Variants in SNX24 observed in about 807,000 individuals in gnomAD.
SNX24 encodes the protein sorting nexin 24.
A neutral mutation model predicts 28.7 loss-of-function variants in SNX24; 22 were observed. That is an observed-to-expected ratio of 0.77 (90% confidence interval 0.55 to 1.10). SNX24 has a LOEUF of 1.10. SNX24 is among the 50% of genes least tolerant of loss of function. The pLI, the probability that SNX24 is intolerant of heterozygous loss-of-function variation, is 0.00. For missense variants in SNX24, 221 were observed against 201.1 expected, an observed-to-expected ratio of 1.10 and a Z score of -0.60; for synonymous variants, 69 against 71.5, an observed-to-expected ratio of 0.96 and a Z score of 0.18.
intron 3 of SNX24, among the ~76,000 whole-genome samples, chr5:122,974,069 T>C (rs246319): frequency 0.77 from 116,951 of 152,090 alleles, 45,852 homozygotes; most frequent in East Asian, 0.99. Flanking sequence ...AGTAATGTGT[T>C]GCCTCCAAAA....
intron 1 of SNX24, among the ~76,000 whole-genome samples, chr5:122,895,580 T>C (rs1468593929): frequency 6.6e-6 from 1 of 152,156 alleles, no homozygotes; most frequent in Non-Finnish European, 1.5e-5. Flanking sequence ...GCCCCTAGGC[T>C]GGGGGCTGGA....
chr5:122,932,506 G>A (rs1393279733), intron 1 of SNX24, among the ~76,000 whole-genome samples: 1 of 152,170 alleles, frequency 6.6e-6, no homozygotes, highest in African/African-American at 2.4e-5. Context: ...AGGCTTATAT[G>A]TAATTTTATG....
intron 6 of SNX24, among the ~76,000 whole-genome samples, chr5:123,003,693 C>A (rs1320142414): frequency 2.6e-5 from 4 of 152,142 alleles, no homozygotes; most frequent in Non-Finnish European, 5.9e-5. Context: ...GTGCTCTATG[C>A]CTGGCTTGGA....
intron 2 of SNX24, 69 bp from the exon 3 acceptor site, chr5:122,945,986 A>G: frequency 1.3e-6 from 1 of 779,078 alleles, no homozygotes; most frequent in Non-Finnish European, 2.0e-6. Context: ...TTCCCCAAAT[A>G]ATATCACTAT....
chr5:122,882,006 G>A (rs1187558178), intron 1 of SNX24, among the ~76,000 whole-genome samples: 2 of 147,770 alleles, frequency 1.4e-5, no homozygotes, highest in East Asian at 2.0e-4. Flanking sequence ...GTCCCACTCT[G>A]TCACTCAGGC....
rs781258097 is a variant in SNX24 at position 122,891,507 on chromosome 5, T to C, written c.61-45227T>C. Among the ~76,000 whole-genome samples the C allele has an allele frequency of 5.2e-4, 79 of 152,310 alleles. 1 individual carries two copies. The highest frequency in any genetic ancestry group is 1.4e-3 in the Admixed American group (22 of 15,296). Reference sequence around the variant, plus strand: ...TTTATTGAATTTTTTTCAGTGATGATGTATTCATTTTTTAAAGTAAATTGC... The same window carrying C: ...TTTATTGAATTTTTTTCAGTGATGACGTATTCATTTTTTAAAGTAAATTGC... On this transcript the variant is annotated intron_variant, in intron 1 of 6. Coordinates refer to ENST00000261369, the MANE Select transcript of SNX24 (RefSeq NM_014035.4).
At chr5:122,960,674 C>T (rs1236658436) in intron 3 of SNX24, among the ~76,000 whole-genome samples, 2 of 152,176 alleles carry the variant, frequency 1.3e-5, no homozygotes, top group African/African-American at 4.8e-5. Context: ...GTAGAGAAGC[C>T]GTAATTCAGC....
At chr5:122,850,811 C>T (rs1214181058) in intron 1 of SNX24, among the ~76,000 whole-genome samples, 3 of 147,464 alleles carry the variant, frequency 2.0e-5, no homozygotes, top group Admixed American at 6.8e-5. Context: ...AAAAAAAACC[C>T]ACAGAGAAAG....
At chr5:122,902,924 T>A (rs1353521655) in intron 1 of SNX24, among the ~76,000 whole-genome samples, 1 of 152,274 alleles carries the variant, frequency 6.6e-6, no homozygotes, top group East Asian at 1.9e-4. Context: ...AAATATATCA[T>A]TGCAATTCTG....
In SNX24 at chr5:122,936,961, T is replaced by A. The variant is rs182309182; in HGVS notation, c.144+144T>A. 3 of 467,854 alleles carry A rather than the reference T, an allele frequency of 6.4e-6. No homozygotes were observed. The Admixed American group carries it at 1.2e-4, about 19-fold the overall frequency. The allele number at this position is 467,854 out of a possible 1,614,324, so 29.0% of individuals were successfully genotyped here. A position where few individuals can be genotyped will look rare whatever the true frequency, so the allele number is the denominator to read the frequency against. ...CTTTTATCATAAAGTAAATTTCTTT[T>A]TGGAATAAGTTATTCAGTTCCTTAA... is the stretch of plus-strand genomic sequence containing the variant. On this transcript the variant is annotated intron_variant, in intron 2 of 6. Transcript: ENST00000261369.
intron 6 of SNX24, among the ~76,000 whole-genome samples, chr5:123,007,261 A>C (rs1253442033): frequency 3.3e-5 from 5 of 152,242 alleles, no homozygotes; most frequent in Non-Finnish European, 7.3e-5. Context: ...GACTAAATGC[A>C]CTGTAAACCA....
intron 1 of SNX24, among the ~76,000 whole-genome samples, chr5:122,922,275 C>CA (rs1367832845): frequency 1.3e-5 from 2 of 152,048 alleles, no homozygotes; most frequent in African/African-American, 4.8e-5. Context: ...TTTTTTGAGA[C>CA]AGGGTCTCAC....
intron 3 of SNX24, chr5:122,965,363 G>A (rs1166787026): frequency 2.3e-6 from 1 of 434,392 alleles, no homozygotes; most frequent in Non-Finnish European, 4.7e-6. Context: ...ACAGGTACCT[G>A]GATAGCCTGA....
At chr5:122,967,704 A>G (rs530723119) in intron 3 of SNX24, among the ~76,000 whole-genome samples, 10 of 152,352 alleles carry the variant, frequency 6.6e-5, no homozygotes, top group African/African-American at 2.2e-4. Flanking sequence ...TGACTTGTTC[A>G]TTAGAGCCCA....
chr5:122,971,272 T>G (rs946419785), intron 3 of SNX24, among the ~76,000 whole-genome samples: 1 of 152,202 alleles, frequency 6.6e-6, no homozygotes, highest in Non-Finnish European at 1.5e-5. Flanking sequence ...TTCTGCCTGC[T>G]TTATCTTGGT....
intron 1 of SNX24, among the ~76,000 whole-genome samples, chr5:122,893,200 A>T (rs1303346742): frequency 6.7e-6 from 1 of 149,986 alleles, no homozygotes; most frequent in Non-Finnish European, 1.5e-5. Flanking sequence ...TATTACTGTC[A>T]TCATTCTTTT....
rs1561638050 is a variant in SNX24, at chr5:122,946,052, T to C, written c.145-3T>C. On this transcript the variant is annotated splice_polypyrimidine_tract_variant and splice_region_variant and intron_variant, in intron 2 of 6. Coordinates refer to ENST00000261369, the MANE Select transcript of SNX24 (RefSeq NM_014035.4). ...TTTTTCTTTTCCTATTCTGTCTTTA[T>C]AGCTTAAGAAATGTATAAAAACTCC... 2 of 1,505,422 alleles carry C rather than the reference T, an allele frequency of 1.3e-6. No homozygotes were observed. Among genetic ancestry groups the C allele is most frequent in the Non-Finnish European group, 1.8e-6 (2 of 1,092,704 alleles). The allele number at this position is 1,505,422 out of a possible 1,614,324, so 93.3% of individuals were successfully genotyped here. A position where few individuals can be genotyped will look rare whatever the true frequency, so the allele number is the denominator to read the frequency against.
intron 1 of SNX24, among the ~76,000 whole-genome samples, chr5:122,886,157 G>A (rs1756704636): frequency 6.6e-6 from 1 of 152,172 alleles, no homozygotes; most frequent in African/African-American, 2.4e-5. Flanking sequence ...ACAGCTTCGT[G>A]ATGACACTTC....
At chr5:122,854,077 C>T (rs577017641) in intron 1 of SNX24, among the ~76,000 whole-genome samples, 4 of 151,652 alleles carry the variant, frequency 2.6e-5, no homozygotes, top group East Asian at 3.9e-4. Flanking sequence ...CTGCTCTCAT[C>T]GATTACTATT....
Sources: allele counts gnomAD v4.1 joint callset (sites outside exome capture counted in the v4.1 genomes callset), GRCh38; gene constraint gnomAD v4.1.1; transcripts MANE v1.5; gene names NCBI Gene and HGNC (gene_info 2026-07-23, HGNC 2026-07-21).